COL4A1: variants seen among roughly 807,000 people sequenced by gnomAD.
The protein encoded by COL4A1 is collagen type IV alpha 1 chain, also known as collagen alpha-1(IV) chain.
In COL4A1, 40 loss-of-function variants were observed where a neutral mutation model predicts 216.6. That is an observed-to-expected ratio of 0.18 (90% CI 0.14 to 0.24). The LOEUF (loss-of-function observed/expected upper bound fraction) is 0.24. COL4A1 is among the 10% of genes least tolerant of loss of function. COL4A1 has a pLI of 1.00. For synonymous variants in COL4A1, 839 were observed against 810.7 expected, an observed-to-expected ratio of 1.03 and a Z score of -0.59; for missense variants, 1,628 against 2,196.8, an observed-to-expected ratio of 0.74 and a Z score of 5.18.
At chr13:110,271,380 G>A (rs1040944688) in intron 1 of COL4A1, among the ~76,000 whole-genome samples, 6 of 152,164 alleles carry the variant, frequency 3.9e-5, no homozygotes, top group African/African-American at 1.4e-4. Context: ...TTCATGGAGA[G>A]ACCTGGTAGG....
At chr13:110,191,664 T>C in intron 24 of COL4A1, 1 of 685,984 alleles carries the variant, frequency 1.5e-6, no homozygotes, top group Admixed American at 2.2e-5. Flanking sequence ...ACAATAGATG[T>C]TGTAACAGAA....
At chr13:110,293,814 A>G (rs1384563026) in intron 1 of COL4A1, among the ~76,000 whole-genome samples, 2 of 152,208 alleles carry the variant, frequency 1.3e-5, no homozygotes, top group Non-Finnish European at 2.9e-5. Context: ...GTTGCAGGAT[A>G]ATGTGGGACA....
intron 19 of COL4A1, 80 bp from the exon 20 acceptor site, chr13:110,200,969 C>CT (rs2139190384): frequency 1.3e-6 from 2 of 1,498,098 alleles, no homozygotes; most frequent in East Asian, 4.5e-5. Flanking sequence ...TACTGAAAGC[C>CT]TTGCTTGGTG....
chr13:110,259,946 T>G (rs771028953), intron 1 of COL4A1, among the ~76,000 whole-genome samples: 4 of 152,174 alleles, frequency 2.6e-5, no homozygotes, highest in Non-Finnish European at 4.4e-5. Context: ...ACGTAATGGA[T>G]GTAAAGCTGC....
At chr13:110,204,559 T>C (rs576998637) in intron 17 of COL4A1, among the ~76,000 whole-genome samples, 1 of 151,868 alleles carries the variant, frequency 6.6e-6, no homozygotes, top group South Asian at 2.1e-4. Flanking sequence ...AGTAAAGACT[T>C]ACATTACCTA....
intron 42 of COL4A1, among the ~76,000 whole-genome samples, chr13:110,170,113 A>AGAAGGAAG (rs58546192): frequency 8.1e-6 from 1 of 123,444 alleles, no homozygotes; most frequent in African/African-American, 3.6e-5. Context: ...AAGGGAGGAA[A>AGAAGGAAG]GAAGGAAGGA....
chr13:110,269,729 T>G (rs1285042892), intron 1 of COL4A1, among the ~76,000 whole-genome samples: 3 of 151,868 alleles, frequency 2.0e-5, no homozygotes, highest in African/African-American at 7.3e-5. Flanking sequence ...ACAGGGCGCA[T>G]CCCGATTGCA....
chr13:110,170,053 A>G (rs1003833481), intron 42 of COL4A1, among the ~76,000 whole-genome samples: 4 of 126,162 alleles, frequency 3.2e-5, no homozygotes, highest in African/African-American at 1.2e-4. Flanking sequence ...AGGAGGGAGG[A>G]AGGAGGGGAG....
intron 18 of COL4A1, 28 bp from the exon 19 acceptor site, chr13:110,201,550 C>T: frequency 6.3e-7 from 1 of 1,596,644 alleles, no homozygotes; most frequent in Non-Finnish European, 8.6e-7. Flanking sequence ...AGGTGATCAT[C>T]CCGTGGCATG....
chr13:110,297,129 C>T (rs570929851), intron 1 of COL4A1, among the ~76,000 whole-genome samples: 3 of 152,224 alleles, frequency 2.0e-5, no homozygotes, highest in African/African-American at 7.2e-5. Flanking sequence ...ACCTCCTACA[C>T]GGCCCCTCTC....
At chr13:110,282,068 T>C (rs1883653857) in intron 1 of COL4A1, among the ~76,000 whole-genome samples, 1 of 152,194 alleles carries the variant, frequency 6.6e-6, no homozygotes, top group African/African-American at 2.4e-5. Flanking sequence ...GCAAAGACCC[T>C]TGGTCACAAA....
At position 110,150,177 on chromosome 13, in the gene COL4A1, T is replaced by C; in HGVS notation, c.*186A>G. 1 of 665,792 alleles carries C rather than the reference T, an allele frequency of 1.5e-6. No homozygotes were observed. Among genetic ancestry groups the C allele is most frequent in the Non-Finnish European group, 2.7e-6 (1 of 366,646 alleles). The allele number at this position is 665,792 out of a possible 1,614,324, so 41.2% of individuals were successfully genotyped here. ...CCACTATTGAAAGCTTATCGCTGTC[T>C]TTTTCTCCTTCAGCAAGTAGAGGTC... is the stretch of plus-strand genomic sequence containing the variant. On this transcript the variant is annotated 3_prime_UTR_variant, in exon 52 of 52. Coordinates refer to ENST00000375820, the MANE Select transcript of COL4A1 (RefSeq NM_001845.6).
At chr13:110,160,251 G>T (rs1877008871) in intron 49 of COL4A1, among the ~76,000 whole-genome samples, 1 of 145,152 alleles carries the variant, frequency 6.9e-6, no homozygotes. Context: ...GACCATCCTG[G>T]CTAACAAGGT....
intron 2 of COL4A1, among the ~76,000 whole-genome samples, chr13:110,219,658 A>ATGTGTG (rs1423332526): frequency 9.8e-5 from 10 of 101,570 alleles, no homozygotes; most frequent in East Asian, 3.3e-4. Flanking sequence ...ATATATATAT[A>ATGTGTG]TATGTATATA....
At chr13:110,178,632 T>G (rs1315388592) in intron 31 of COL4A1, among the ~76,000 whole-genome samples, 2 of 152,184 alleles carry the variant, frequency 1.3e-5, no homozygotes, top group South Asian at 2.1e-4. Flanking sequence ...AACCGTCCTA[T>G]GGAAAGATAA....
intron 2 of COL4A1, among the ~76,000 whole-genome samples, chr13:110,229,624 G>A (rs538570696): frequency 1.3e-5 from 2 of 152,332 alleles, no homozygotes; most frequent in African/African-American, 4.8e-5. Flanking sequence ...GAAGTGATGA[G>A]GCTCATGAAC....
At chr13:110,187,028 CCAT>C (rs1157929945) in intron 25 of COL4A1, 107 bp downstream of exon 25, 1 of 1,367,778 alleles carries the variant, frequency 7.3e-7, no homozygotes. Context: ...TTCATTTGTG[CCAT>C]CATCAAGGAG....
intron 1 of COL4A1, among the ~76,000 whole-genome samples, chr13:110,259,638 T>G (rs768893624): frequency 7.9e-5 from 12 of 152,250 alleles, no homozygotes; most frequent in Non-Finnish European, 1.8e-4. Context: ...TTTTGGACTT[T>G]CTGGTTCATA....
intron 1 of COL4A1, among the ~76,000 whole-genome samples, chr13:110,287,052 T>C (rs1542797): frequency 0.01 from 1,554 of 152,156 alleles, 21 homozygotes; most frequent in African/African-American, 0.035. Flanking sequence ...AGATGCTGTT[T>C]GTCTTGTCTT....
Sources: allele counts gnomAD v4.1 joint callset (sites outside exome capture counted in the v4.1 genomes callset), GRCh38; gene constraint gnomAD v4.1.1; transcripts MANE v1.5; gene names NCBI Gene and HGNC (gene_info 2026-07-23, HGNC 2026-07-21).